Variants in PIWIL4 observed in about 807,000 individuals in gnomAD.
PIWIL4 encodes piwi like RNA-mediated gene silencing 4.
In PIWIL4, 50 loss-of-function variants were observed where a neutral mutation model predicts 100.9. The ratio of observed to expected loss-of-function variants is 0.50; its 90% CI spans 0.39 to 0.63. The LOEUF is 0.63. Ranked by LOEUF, PIWIL4 falls within the 20% of genes least tolerant of loss-of-function variation. The pLI, the probability that PIWIL4 is intolerant of heterozygous loss-of-function variation, is 0.00. For missense variants in PIWIL4, 887 were observed against 1,043.3 expected (o/e 0.85, Z 2.06); for synonymous variants, 342 against 367.5 (o/e 0.93, Z 0.79).
chr11:94,616,138 A>G (rs1174419425), intron 15 of PIWIL4, among the ~76,000 whole-genome samples: 2 of 152,202 alleles, frequency 1.3e-5, no homozygotes, highest in Non-Finnish European at 2.9e-5. Flanking sequence ...ATGTGATTTA[A>G]TTTTTACCAC....
rs753502924 is a variant in PIWIL4, at chr11:94,583,499, A to G, written c.565A>G (p.Ile189Val). ...TQRGETIKMT[I>V]TLKRELPSSS... ...AAGAGGTGAGACTATAAAGATGACT[A>G]TCACCCTGAAGAGGGAGCTGCCATC... Residue 189 changes from isoleucine (I) to valine (V), a missense_variant, in exon 5 of 20, where the codon ATC becomes GTC. Ile to Val is a conservative substitution (Grantham distance 29). This residue lies in a region of PIWIL4 where 741 missense variants were observed against 930.0 expected (regional missense o/e 0.80). Transcript: ENST00000299001. 1 of 1,613,850 alleles carries G rather than the reference A, an allele frequency of 6.2e-7. No individual in the cohort carries two copies. The highest frequency in any genetic ancestry group is 8.5e-7 in the Non-Finnish European group (1 of 1,179,742).
intron 11 of PIWIL4, among the ~76,000 whole-genome samples, chr11:94,599,872 T>G (rs1167191221): frequency 6.6e-6 from 1 of 152,088 alleles, no homozygotes; most frequent in Non-Finnish European, 1.5e-5. Flanking sequence ...GTGAATTACT[T>G]GGGGGACATG....
chr11:94,588,272 C>T (rs1373113279), intron 7 of PIWIL4, among the ~76,000 whole-genome samples: 2 of 152,280 alleles, frequency 1.3e-5, no homozygotes, highest in African/African-American at 4.8e-5. Context: ...CCATCCATGT[C>T]CCTGCAAAGG....
intron 7 of PIWIL4, among the ~76,000 whole-genome samples, chr11:94,588,119 A>G (rs936790141): frequency 6.6e-6 from 1 of 150,948 alleles, no homozygotes; most frequent in African/African-American, 2.4e-5. Context: ...CCCCGACCCT[A>G]TCACCTGAGA....
chr11:94,605,616 G>T (rs1381424508), intron 13 of PIWIL4, among the ~76,000 whole-genome samples: 3 of 152,094 alleles, frequency 2.0e-5, no homozygotes, highest in Non-Finnish European at 2.9e-5. Context: ...ATTTGTCTTA[G>T]CATCTATTAT....
At chr11:94,591,705 TA>T (rs1294725265) in intron 8 of PIWIL4, among the ~76,000 whole-genome samples, 9 of 152,150 alleles carry the variant, frequency 5.9e-5, no homozygotes, top group African/African-American at 2.2e-4. Context: ...TCACTGCATA[TA>T]TATTGTAATT....
At chr11:94,572,843 G>A (rs2135236355) in intron 2 of PIWIL4, among the ~76,000 whole-genome samples, 1 of 152,328 alleles carries the variant, frequency 6.6e-6, no homozygotes, top group South Asian at 2.1e-4. Flanking sequence ...TTGGTAGCTT[G>A]ATGGGGATGG....
intron 14 of PIWIL4, chr11:94,608,256 G>A (rs1349019895): frequency 4.2e-6 from 1 of 236,200 alleles, no homozygotes; most frequent in Non-Finnish European, 8.3e-6. Flanking sequence ...GATTGCTCCA[G>A]ACCAGAGGCA....
intron 3 of PIWIL4, among the ~76,000 whole-genome samples, chr11:94,576,641 C>T (rs891639676): frequency 1.3e-5 from 2 of 152,102 alleles, no homozygotes; most frequent in Non-Finnish European, 1.5e-5. Flanking sequence ...CTGGAAGTCC[C>T]GGAAGCACAC....
intron 4 of PIWIL4, among the ~76,000 whole-genome samples, chr11:94,580,627 A>G (rs1334711654): frequency 7.0e-6 from 1 of 142,930 alleles, no homozygotes; most frequent in East Asian, 2.1e-4. Flanking sequence ...CAAAATTTCA[A>G]TTTCGAATAA....
At chr11:94,569,886 A>G (rs1332122709) in intron 2 of PIWIL4, among the ~76,000 whole-genome samples, 4 of 152,200 alleles carry the variant, frequency 2.6e-5, no homozygotes, top group Non-Finnish European at 2.9e-5. Flanking sequence ...TGGTTACACT[A>G]AAAGCCCAGA....
At chr11:94,588,595 C>T (rs772731658) in intron 7 of PIWIL4, among the ~76,000 whole-genome samples, 1 of 152,296 alleles carries the variant, frequency 6.6e-6, no homozygotes. Context: ...CTACACAGTG[C>T]TGAAGGGGAG....
At chr11:94,569,954 T>C (rs138417587) in intron 2 of PIWIL4, among the ~76,000 whole-genome samples, 2 of 152,242 alleles carry the variant, frequency 1.3e-5, no homozygotes, top group East Asian at 3.9e-4. Flanking sequence ...CTTAAATGTA[T>C]ACGCATTTTT....
intron 15 of PIWIL4, among the ~76,000 whole-genome samples, chr11:94,613,014 TTA>T (rs146714962): frequency 0.013 from 1,924 of 152,324 alleles, 45 homozygotes; most frequent in African/African-American, 0.042. Flanking sequence ...TATTACAGTA[TTA>T]GAGTATTTTG....
chr11:94,617,926 C>T, intron 16 of PIWIL4, 28 bp from the exon 17 acceptor site: 2 of 1,609,166 alleles, frequency 1.2e-6, no homozygotes, highest in South Asian at 2.2e-5. Flanking sequence ...AAAAGTAATT[C>T]TTTTCTTACT....
At position 94,583,468 on chromosome 11, in the gene PIWIL4, A is replaced by C; in HGVS notation, c.534A>C (p.Glu178Asp). The C allele has an allele frequency of 6.2e-7, 1 of 1,613,876 alleles. No homozygotes were observed. The highest frequency in any genetic ancestry group is 8.5e-7 in the Non-Finnish European group (1 of 1,179,758). The change falls in exon 5 of 20, where the codon GAA becomes GAC. Residue 178 changes from glutamate to aspartate, a missense_variant. By Grantham distance (45) the Glu-to-Asp change is conservative. Around this residue, in one of 2 missense-constraint regions of PIWIL4, gnomAD observed 741 missense variants for 930.0 expected, o/e 0.80. Coordinates refer to ENST00000299001, the MANE Select transcript of PIWIL4 (RefSeq NM_152431.3). Reference protein sequence around the residue: ...LEEKVTELSSETQRGETIKMT... With the variant: ...LEEKVTELSSDTQRGETIKMT... ...CCCAGGTCACAGAGTTGTCAAGTGAAACTCAAAGAGGTGAGACTATAAAGA... is the reference window on the plus strand; with the variant it reads ...CCCAGGTCACAGAGTTGTCAAGTGACACTCAAAGAGGTGAGACTATAAAGA...
In PIWIL4 at chr11:94,619,847, T is replaced by G; in HGVS notation, c.2256T>G (p.Leu752=). 1.2e-6 allele frequency: 2 copies of G among 1,614,204 alleles called. No individual in the cohort carries two copies. Among genetic ancestry groups the G allele is most frequent in the Non-Finnish European group, 1.7e-6 (2 of 1,180,032 alleles). The change falls in exon 18 of 20, where the codon CTT becomes CTG. Residue 752 remains leucine (L), a synonymous_variant. Transcript: ENST00000299001. The part of the protein sequence containing the change: ...EMNRTVQNPP[L]GTVVDSEATR... ...ACCGCACTGTACAGAACCCCCCACT[T>G]GGCACTGTTGTGGATTCAGAAGCAA...
At chr11:94,569,875 A>G (rs1948125577) in intron 2 of PIWIL4, among the ~76,000 whole-genome samples, 2 of 152,168 alleles carry the variant, frequency 1.3e-5, no homozygotes, top group African/African-American at 2.4e-5. Flanking sequence ...TATTCAGATG[A>G]TGGTTACACT....
In PIWIL4 at chr11:94,595,312, T is replaced by G; in HGVS notation, c.1154T>G (p.Leu385Arg). The G allele has an allele frequency of 6.2e-7, 1 of 1,613,046 alleles. No homozygotes were observed. The change falls in exon 10 of 20, where the codon CTG becomes CGG. Residue 385 changes from leucine to arginine, a missense_variant. Leu to Arg is a moderately radical substitution (Grantham distance 102). Around this residue, in one of 2 missense-constraint regions of PIWIL4, gnomAD observed 741 missense variants for 930.0 expected, o/e 0.80. Transcript: ENST00000299001. The stretch of plus-strand genomic sequence containing the variant: ...TGTCTTCATTTGCATTTAATAGGGC[T>G]GACTGACCAGGCAACATCTGATTTC... Reference protein sequence around the residue: ...LIPELCFLTGLTDQATSDFQL... With the variant: ...LIPELCFLTGRTDQATSDFQL...
Sources: gnomAD v4.1 joint callset for allele counts (sites outside exome capture counted in the v4.1 genomes callset) on GRCh38, gnomAD v4.1.1 for gene constraint, gnomAD v4.1.1 regional missense constraint, MANE v1.5 for transcripts, NCBI Gene and HGNC (gene_info 2026-07-23, HGNC 2026-07-21) for gene names.